The following ZBTB24 variants were observed in gnomAD, a reference collection of about 807,000 sequenced individuals.
ZBTB24 encodes the protein zinc finger and BTB domain containing 24, also known as zinc finger and BTB domain-containing protein 24.
Under a neutral mutation model 53.8 loss-of-function variants are expected in ZBTB24, and 32 were observed. That is an observed-to-expected ratio of 0.60 (90% CI 0.45 to 0.80). ZBTB24 has a LOEUF of 0.80. Ranked by LOEUF, ZBTB24 falls within the 30% of genes least tolerant of loss-of-function variation. The pLI, the probability that ZBTB24 is intolerant of heterozygous loss-of-function variation, is 0.00. For synonymous variants in ZBTB24, 297 were observed against 306.7 expected (o/e 0.97, Z 0.33); for missense variants, 722 against 837.1 (o/e 0.86, Z 1.70).
rs1776426106 is a variant in ZBTB24, at chr6:109,481,898, C to T, written c.129G>A (p.Val43=). 4.3e-6 allele frequency: 7 copies of T among 1,614,062 alleles called. No homozygotes were observed. Among genetic ancestry groups the T allele is most frequent in the Non-Finnish European group, 5.9e-6 (7 of 1,180,054 alleles). ...KGFLCDITLI[V]ENVHFRAHKA... is the part of the protein sequence containing the mutation. ...TGTGGGCCCGGAAATGTACATTCTC[C>T]ACGATTAAAGTAATGTCACAGAGGA... The change falls in exon 2 of 7, where the codon GTG becomes GTA. Residue 43 remains valine (V), a synonymous_variant. Transcript: ENST00000230122.
At chr6:109,469,285 T>G (rs1023430781) in intron 5 of ZBTB24, among the ~76,000 whole-genome samples, 1 of 152,270 alleles carries the variant, frequency 6.6e-6, no homozygotes, top group East Asian at 1.9e-4. Context: ...TTGCTTGTGA[T>G]TGTAAAATTC....
In ZBTB24 at chr6:109,466,243, C is replaced by T. The variant is rs144754453; in HGVS notation, c.1702G>A (p.Gly568Ser). The T allele has an allele frequency of 1.6e-4, 259 of 1,614,160 alleles. No individual in the cohort carries two copies. In the African/African-American group the frequency reaches 3.2e-3, roughly 20 times the overall value. ...DSVHNINFMPGPSQGISIVTA... is the reference protein window; with the variant it reads ...DSVHNINFMPSPSQGISIVTA... ...ACAATGCTGATTCCCTGGCTAGGAC[C>T]GGGCATGAAATTGATGTTATGTACA... The change falls in exon 7 of 7, where the codon GGT becomes AGT. Residue 568 changes from glycine (G) to serine (S), a missense_variant. By Grantham distance (56) the Gly-to-Ser change is moderately conservative. Coordinates refer to ENST00000230122, the MANE Select transcript of ZBTB24 (RefSeq NM_014797.3).
In ZBTB24 at chr6:109,465,266, A is replaced by G. The variant is rs1776005040; in HGVS notation, c.*585T>C. On this transcript the variant is annotated 3_prime_UTR_variant, in exon 7 of 7. Transcript: ENST00000230122. ...GTTTGAATCTTTCTGAAGTGTTAAC[A>G]CAATAAGCCCACTGTACTGCATAAA... 5.7e-6 allele frequency: 1 copy of G among 175,314 alleles called. No homozygotes were observed. The highest frequency in any genetic ancestry group is 2.4e-5 in the African/African-American group (1 of 42,156). 10.9% of individuals were successfully genotyped at this position (175,314 alleles called of 1,614,324 possible). A position where few individuals can be genotyped will look rare whatever the true frequency, so the allele number is the denominator to read the frequency against.
At chr6:109,473,977 T>C (rs1776223822) in intron 5 of ZBTB24, among the ~76,000 whole-genome samples, 1 of 150,444 alleles carries the variant, frequency 6.6e-6, no homozygotes, top group Non-Finnish European at 1.5e-5. Flanking sequence ...TAGTTCCAGC[T>C]ACTCGGGAGG....
At position 109,467,695 on chromosome 6, in the gene ZBTB24, A is replaced by C; in HGVS notation, c.1328T>G (p.Phe443Cys). The change falls in exon 6 of 7, where the codon TTC becomes TGC. Residue 443 changes from phenylalanine to cysteine, a missense_variant. Transcript: ENST00000230122. ...GGTCTGAAGAGAACTCTTTGCTGTG[A>C]AAGATTTGCCACAGATTTCACAAGT... ...PFTCEICGKS[F>C]TAKSSLQTHI... The C allele has an allele frequency of 6.2e-7, 1 of 1,614,174 alleles. No homozygotes were observed. The highest frequency in any genetic ancestry group is 8.5e-7 in the Non-Finnish European group (1 of 1,180,034).
At chr6:109,480,461 G>T (rs1264240771) in intron 2 of ZBTB24, among the ~76,000 whole-genome samples, 1 of 152,186 alleles carries the variant, frequency 6.6e-6, no homozygotes, top group Non-Finnish European at 1.5e-5. Flanking sequence ...AAAACCACAT[G>T]TGGTTACTGG....
At chr6:109,475,275 A>T in intron 5 of ZBTB24, 124 bp downstream of exon 5, 1 of 1,149,372 alleles carries the variant, frequency 8.7e-7, no homozygotes, top group Non-Finnish European at 1.3e-6. Context: ...TTCTTACACA[A>T]CTCCCATCCA....
intron 2 of ZBTB24, among the ~76,000 whole-genome samples, chr6:109,480,395 A>T (rs375907232): frequency 7.4e-4 from 113 of 152,330 alleles, no homozygotes; most frequent in South Asian, 1.9e-3. Flanking sequence ...TAAATGAATT[A>T]AAATAAAATT....
At chr6:109,480,927 T>C (rs969809423) in intron 2 of ZBTB24, 148 bp downstream of exon 2, 23 of 1,491,022 alleles carry the variant, frequency 1.5e-5, no homozygotes, top group East Asian at 4.6e-5. Flanking sequence ...CCTTGCAGGA[T>C]TGTGGAGAAA....
intron 2 of ZBTB24, among the ~76,000 whole-genome samples, chr6:109,478,649 G>A (rs1042603733): frequency 2.6e-5 from 4 of 151,954 alleles, no homozygotes; most frequent in Non-Finnish European, 2.9e-5. Context: ...TGTGGTGATC[G>A]GAGATCACGC....
At position 109,481,504 on chromosome 6, in the gene ZBTB24, T is replaced by G. The variant is rs781706901; in HGVS notation, c.523A>C (p.Lys175Gln). The G allele has an allele frequency of 6.2e-7, 1 of 1,614,114 alleles. No individual in the cohort carries two copies. Among genetic ancestry groups the G allele is most frequent in the African/African-American group, 1.3e-5 (1 of 74,930 alleles). ...TCTTCCTCTGCAGCCAGTTCTGATT[T>G]CTCCTCCTGCAATGTATTGACTTTT... Reference protein sequence around the residue: ...PKKVNTLQEEKSELAAEEEIQ... With the variant: ...PKKVNTLQEEQSELAAEEEIQ... The change falls in exon 2 of 7, where the codon AAA (lysine) becomes CAA (glutamine). Residue 175 changes from lysine to glutamine, a missense_variant. Physicochemically the swap from Lys to Gln is moderately conservative, Grantham distance 53 (BLOSUM62 1). Transcript: ENST00000230122.
intron 2 of ZBTB24, among the ~76,000 whole-genome samples, chr6:109,478,601 T>C (rs1318747775): frequency 2.6e-5 from 4 of 152,162 alleles, no homozygotes; most frequent in African/African-American, 4.8e-5. Flanking sequence ...CTTGGGTGGC[T>C]GAGGCAGGAG....
chr6:109,466,551 C>T lies in ZBTB24; in HGVS notation c.1394G>A (p.Gly465Asp), dbSNP rs1366402467. 3 of 1,612,608 alleles carry T rather than the reference C, an allele frequency of 1.9e-6. No individual in the cohort carries two copies. The highest frequency in any genetic ancestry group is 2.5e-6 in the Non-Finnish European group (3 of 1,180,036). Reference sequence around the variant, plus strand: ...GTCAGAGAAGGATTTGCCACAAATGCCACAGGAGTATGGCTTTTCTCCTCT... The same window carrying T: ...GTCAGAGAAGGATTTGCCACAAATGTCACAGGAGTATGGCTTTTCTCCTCT... ...IHRGEKPYSCGICGKSFSDSS... is the reference protein window; with the variant it reads ...IHRGEKPYSCDICGKSFSDSS... The change falls in exon 7 of 7, where the codon GGC (glycine) becomes GAC (aspartate). Residue 465 changes from glycine to aspartate, a missense_variant. Transcript: ENST00000230122.
chr6:109,475,434 A>C lies in ZBTB24; in HGVS notation c.1253T>G (p.Val418Gly). 3 of 1,614,188 alleles carry C rather than the reference A, an allele frequency of 1.9e-6. No homozygotes were observed. Among genetic ancestry groups the C allele is most frequent in the Non-Finnish European group, 2.5e-6 (3 of 1,180,038 alleles). ...CKDCHRKFMD[V>G]SQLKKHLRTH... ...TCGCAGATGTTTCTTTAGCTGAGAC[A>C]CATCCATGAATTTGCGATGGCAGTC... The change falls in exon 5 of 7, where the codon GTG becomes GGG. Residue 418 changes from valine (V) to glycine (G), a missense_variant. Physicochemically the swap from Val to Gly is moderately radical, Grantham distance 109 (BLOSUM62 -3). Transcript: ENST00000230122.
chr6:109,481,062 A>G lies in ZBTB24; in HGVS notation c.952+13T>C. 6.2e-7 allele frequency: 1 copy of G among 1,612,764 alleles called. No homozygotes were observed. Among genetic ancestry groups the G allele is most frequent in the African/African-American group, 1.3e-5 (1 of 75,004 alleles). ...CTGCAACACACTGCAATCAGCTTTG[A>G]AAACATCATTACCTGTGTGGCTCCT... On this transcript the variant is annotated intron_variant, in intron 2 of 6. Transcript: ENST00000230122.
chr6:109,474,692 C>A (rs1776242441), intron 5 of ZBTB24, among the ~76,000 whole-genome samples: 2 of 151,458 alleles, frequency 1.3e-5, no homozygotes, highest in African/African-American at 4.9e-5. Flanking sequence ...CAAGATCGTG[C>A]CACTGCACTG....
chr6:109,464,651 T>G lies in ZBTB24; in HGVS notation c.*1200A>C, dbSNP rs991960339. 2 of 152,066 alleles carry G rather than the reference T, an allele frequency of 1.3e-5. No homozygotes were observed. The highest frequency in any genetic ancestry group is 4.8e-5 in the African/African-American group (2 of 41,416). The allele number at this position is 152,066 out of a possible 1,614,324, so 9.4% of individuals were successfully genotyped here. On this transcript the variant is annotated 3_prime_UTR_variant, in exon 7 of 7. Coordinates refer to ENST00000230122, the MANE Select transcript of ZBTB24 (RefSeq NM_014797.3). ...TGAGGCTCAAAGTTTTAAGATTAGA[T>G]GAAGATTAGCTGGGTGTGGTGGTAC...
chr6:109,481,801 T>C lies in ZBTB24; in HGVS notation c.226A>G (p.Ile76Val), dbSNP rs377738956. 6.8e-6 allele frequency: 11 copies of C among 1,614,256 alleles called. No individual in the cohort carries two copies. Among genetic ancestry groups the C allele is most frequent in the Admixed American group, 6.7e-5 (4 of 60,030 alleles). Residue 76 changes from isoleucine to valine, a missense_variant, in exon 2 of 7, where the codon ATT becomes GTT. Coordinates refer to ENST00000230122, the MANE Select transcript of ZBTB24 (RefSeq NM_014797.3). ...FAEEGEIGQSIYMLEGMVADT... is the reference protein window; with the variant it reads ...FAEEGEIGQSVYMLEGMVADT... ...GCAACCATGCCTTCCAGCATATAAA[T>C]GGATTGGCCGATTTCCCCCTCTTCT...
Position 109,465,921 on chromosome 6 carries a change from T to C in ZBTB24, c.2024A>G (p.Gln675Arg). 1 of 1,614,184 alleles carries C rather than the reference T, an allele frequency of 6.2e-7. No homozygotes were observed. The highest frequency in any genetic ancestry group is 1.1e-5 in the South Asian group (1 of 91,088). ...AGTGGGTGGTGGCGGACCAGGCTCC[T>C]GTGTCAGCTGCAGGTGCTGAGCTGG... ...SDPAQHLQLTQEPGPPPPTHH... is the reference protein window; with the variant it reads ...SDPAQHLQLTREPGPPPPTHH... Residue 675 changes from glutamine (Q) to arginine (R), a missense_variant, in exon 7 of 7, where the codon CAG (glutamine) becomes CGG (arginine). Coordinates refer to ENST00000230122, the MANE Select transcript of ZBTB24 (RefSeq NM_014797.3).
Sources: allele counts gnomAD v4.1 joint callset (sites outside exome capture counted in the v4.1 genomes callset), GRCh38; gene constraint gnomAD v4.1.1; transcripts MANE v1.5; gene names NCBI Gene and HGNC (gene_info 2026-07-23, HGNC 2026-07-21).